The following ZFHX3 variants were observed in gnomAD, a reference collection of about 807,000 sequenced individuals.
ZFHX3 encodes the protein zinc finger homeobox protein 3.
In ZFHX3, 42 loss-of-function variants were observed where a neutral mutation model predicts 279.1. That is an observed-to-expected ratio of 0.15 (90% CI 0.12 to 0.19). ZFHX3 has a LOEUF of 0.19. ZFHX3 is among the 10% of genes least tolerant of loss of function. The pLI, the probability that ZFHX3 is intolerant of heterozygous loss-of-function variation, is 1.00. For missense variants in ZFHX3, 4,981 were observed against 4,754.0 expected (o/e 1.05, Z -1.40); for synonymous variants, 2,293 against 1,957.8 (o/e 1.17, Z -4.52).
intron 1 of ZFHX3, among the ~76,000 whole-genome samples, chr16:73,732,969 G>A (rs1361723189): frequency 6.6e-6 from 1 of 152,172 alleles, no homozygotes; most frequent in African/African-American, 2.4e-5. Flanking sequence ...TACTCTTGCT[G>A]TTGGGTTTTG....
chr16:73,882,598 A>G (rs910393259), intron 1 of ZFHX3, among the ~76,000 whole-genome samples: 2 of 152,052 alleles, frequency 1.3e-5, no homozygotes, highest in African/African-American at 2.4e-5. Context: ...GCAACATTTT[A>G]TTCCAGGTAC....
At chr16:73,768,329 G>A (rs570742108) in intron 1 of ZFHX3, among the ~76,000 whole-genome samples, 1 of 152,258 alleles carries the variant, frequency 6.6e-6, no homozygotes, top group South Asian at 2.1e-4. Context: ...GAAAGGATGG[G>A]AGCAGACATG....
At chr16:72,950,990 A>C (rs1960969822) in intron 2 of ZFHX3, 25 bp from the exon 3 acceptor site, 1 of 1,598,780 alleles carries the variant, frequency 6.3e-7, no homozygotes, top group Non-Finnish European at 8.5e-7. Flanking sequence ...AGAAGGAGAG[A>C]GTCAGACACC....
rs187368620 is a variant in ZFHX3 at position 72,796,220 on chromosome 16, A to G, written c.6462T>C (p.Asp2154=). The G allele has an allele frequency of 1.2e-6, 2 of 1,614,084 alleles. No individual in the cohort carries two copies. Among genetic ancestry groups the G allele is most frequent in the East Asian group, 4.5e-5 (2 of 44,858 alleles). ...QNKRPRTRIT[D]DQLRVLRQYF... is the part of the protein sequence containing the mutation. Reference sequence around the variant, plus strand: ...ATTGCCGCAAGACTCGGAGCTGATCATCTGTGATCCTGGTGCGAGGCCTCT... The same window carrying G: ...ATTGCCGCAAGACTCGGAGCTGATCGTCTGTGATCCTGGTGCGAGGCCTCT... Residue 2154 remains aspartate (D), a synonymous_variant, in exon 9 of 10, where the codon GAT becomes GAC. Transcript: ENST00000268489.
chr16:73,602,242 A>C (rs1597021663), intron 2 of ZFHX3, among the ~76,000 whole-genome samples: 3 of 152,354 alleles, frequency 2.0e-5, no homozygotes, highest in African/African-American at 7.2e-5. Flanking sequence ...TTTTTCTAAA[A>C]TATTTTATTC....
intron 3 of ZFHX3, among the ~76,000 whole-genome samples, chr16:73,407,663 C>T (rs542373437): frequency 7.4e-4 from 113 of 152,312 alleles, no homozygotes; most frequent in African/African-American, 2.7e-3. Context: ...CACACACACT[C>T]GCTCCCTCCC....
intron 1 of ZFHX3, among the ~76,000 whole-genome samples, chr16:73,684,186 C>T (rs962619841): frequency 1.2e-4 from 18 of 151,922 alleles, no homozygotes; most frequent in African/African-American, 1.9e-4. Context: ...CCCAGCTACT[C>T]GAGAGGCTAA....
chr16:73,330,640 T>A (rs1478655984), intron 3 of ZFHX3, among the ~76,000 whole-genome samples: 1 of 152,076 alleles, frequency 6.6e-6, no homozygotes, highest in Non-Finnish European at 1.5e-5. Flanking sequence ...TGGGTGGATG[T>A]GGATATGTTC....
intron 1 of ZFHX3, chr16:73,058,521 G>T: frequency 6.2e-6 from 1 of 160,752 alleles, no homozygotes; most frequent in Non-Finnish European, 1.3e-5. Context: ...GGGAAAAGTT[G>T]CCACTTACGC....
chr16:73,751,949 C>T (rs1192045955), intron 1 of ZFHX3, among the ~76,000 whole-genome samples: 3 of 152,104 alleles, frequency 2.0e-5, no homozygotes, highest in Non-Finnish European at 4.4e-5. Flanking sequence ...CCAGGTCAAT[C>T]GGGTTATTCT....
chr16:72,799,961 T>C, intron 8 of ZFHX3, 66 bp downstream of exon 8: 3 of 1,451,524 alleles, frequency 2.1e-6, no homozygotes, highest in Non-Finnish European at 2.9e-6. Flanking sequence ...TGAAAACCTT[T>C]CTCCATGAAC....
chr16:72,899,537 G>A (rs765931347), intron 3 of ZFHX3, among the ~76,000 whole-genome samples: 2 of 152,056 alleles, frequency 1.3e-5, no homozygotes, highest in African/African-American at 4.8e-5. Flanking sequence ...GCGTGAGAAC[G>A]AACTAATACA....
rs369372490 is a variant in ZFHX3 at position 73,147,533 on chromosome 16, A to G, written c.-1103-3702T>C. 1.3e-4 allele frequency among the ~76,000 whole-genome samples: 19 copies of G among 149,878 alleles called. 1 individual carries two copies. Among genetic ancestry groups the G allele is most frequent in the African/African-American group, 4.7e-4 (19 of 40,742 alleles). On this transcript the variant is annotated intron_variant, in intron 5 of 17. Transcript: ENST00000641206. ...CGGTGAAACCCCGTCTCTACTAAAA[A>G]TACAAAAAATTAGCCGGGCGTGGTA...
intron 3 of ZFHX3, among the ~76,000 whole-genome samples, chr16:72,930,005 G>GTCAGGAGT (rs1230132826): frequency 6.6e-6 from 1 of 152,176 alleles, no homozygotes; most frequent in African/African-American, 2.4e-5. Context: ...ATCACTGGAG[G>GTCAGGAGT]TCAGGAGTTC....
chr16:73,461,697 T>G (rs1161032110), intron 2 of ZFHX3, among the ~76,000 whole-genome samples: 3 of 152,214 alleles, frequency 2.0e-5, no homozygotes, highest in Non-Finnish European at 4.4e-5. Flanking sequence ...TTGTAAGTAT[T>G]TGTGTGGGTC....
At chr16:73,376,094 C>T (rs764908993) in intron 3 of ZFHX3, among the ~76,000 whole-genome samples, 28 of 152,210 alleles carry the variant, frequency 1.8e-4, no homozygotes, top group Non-Finnish European at 3.4e-4. Flanking sequence ...GTTCCTCCTC[C>T]TTTCCACTAC....
intron 7 of ZFHX3, among the ~76,000 whole-genome samples, chr16:73,105,410 C>CACACACACACATATATTTATATAT (rs1200521848): frequency 8.6e-6 from 1 of 116,950 alleles, no homozygotes; most frequent in Non-Finnish European, 1.8e-5. Flanking sequence ...TATATATATA[C>CACACACACACATATATTTATATAT]ACACACACAT....
intron 2 of ZFHX3, among the ~76,000 whole-genome samples, chr16:73,490,289 C>A (rs1321562847): frequency 6.6e-6 from 1 of 152,194 alleles, no homozygotes; most frequent in African/African-American, 2.4e-5. Flanking sequence ...CTAACATATT[C>A]CCAAAGATGG....
chr16:73,207,711 C>T (rs142599997), intron 5 of ZFHX3, among the ~76,000 whole-genome samples: 2 of 152,124 alleles, frequency 1.3e-5, no homozygotes, highest in African/African-American at 2.4e-5. Flanking sequence ...AATAAGGGAA[C>T]ATTTTGTCCA....
Sources: allele counts gnomAD v4.1 joint callset (sites outside exome capture counted in the v4.1 genomes callset), GRCh38; gene constraint gnomAD v4.1.1; transcripts MANE v1.5; gene names NCBI Gene and HGNC (gene_info 2026-07-23, HGNC 2026-07-21).